PISD: variants seen among roughly 807,000 people sequenced by gnomAD.
The protein encoded by PISD is phosphatidylserine decarboxylase proenzyme, mitochondrial.
A neutral mutation model predicts 43.5 loss-of-function variants in PISD; 31 were observed. That is an observed-to-expected ratio of 0.71 (90% CI 0.54 to 0.96). PISD has a LOEUF of 0.96. Ranked by LOEUF, PISD falls within the 40% of genes least tolerant of loss-of-function variation. The pLI is 0.00. For missense variants in PISD, 523 were observed against 548.4 expected, an observed-to-expected ratio of 0.95 and a Z score of 0.46; for synonymous variants, 259 against 228.7, an observed-to-expected ratio of 1.13 and a Z score of -1.20.
intron 2 of PISD, among the ~76,000 whole-genome samples, chr22:31,650,303 C>T (rs2073996246): frequency 6.6e-6 from 1 of 151,994 alleles, no homozygotes; most frequent in Non-Finnish European, 1.5e-5. Flanking sequence ...CATAGCAAAA[C>T]TTCATCTCTA....
intron 2 of PISD, 75 bp downstream of exon 2, chr22:31,650,624 C>A: frequency 1.2e-6 from 1 of 819,474 alleles, no homozygotes; most frequent in South Asian, 1.5e-5. Context: ...AACAACAACC[C>A]TATGTTTATC....
intron 3 of PISD, among the ~76,000 whole-genome samples, chr22:31,642,377 C>T (rs1418908266): frequency 1.3e-5 from 2 of 151,150 alleles, no homozygotes; most frequent in Non-Finnish European, 2.9e-5. Context: ...ACTGCTTAAA[C>T]TCGGAAGGTT....
chr22:31,642,470 AAAAC>A (rs916457415), intron 3 of PISD, among the ~76,000 whole-genome samples: 20 of 150,756 alleles, frequency 1.3e-4, no homozygotes, highest in Non-Finnish European at 2.8e-4. Context: ...AGAAAAACAA[AAAAC>A]AAACAAACAG....
intron 2 of PISD, 73 bp from the exon 3 acceptor site, chr22:31,648,349 A>C: frequency 7.4e-7 from 1 of 1,353,806 alleles, no homozygotes; most frequent in South Asian, 1.3e-5. Flanking sequence ...CACAGCACCA[A>C]CAGGAGGGTC....
chr22:31,627,272 C>T (rs1314855815), intron 3 of PISD, among the ~76,000 whole-genome samples: 1 of 152,248 alleles, frequency 6.6e-6, no homozygotes, highest in East Asian at 1.9e-4. Context: ...CAGGAGGGCG[C>T]CTACCCACCA....
Position 31,637,143 on chromosome 22 carries a change from T to TAA in PISD, c.321+10956_321+10957dup, listed in dbSNP as rs1170100945. On this transcript the variant is annotated intron_variant, in intron 3 of 7. Coordinates refer to ENST00000439502, the MANE Select transcript of PISD (RefSeq NM_001326411.2). ...CAAAAAAAAATAATAATAAATAAATTAAAAAAAAAAAAAAAAAAAAAATAT... is the reference window on the plus strand; with the variant it reads ...CAAAAAAAAATAATAATAAATAAATTAAAAAAAAAAAAAAAAAAAAAAAATAT... Among the ~76,000 whole-genome samples, 40 of 31,600 alleles carry TAA rather than the reference T, an allele frequency of 1.3e-3. 2 individuals are homozygous for TAA. The highest frequency in any genetic ancestry group is 3.3e-3 in the South Asian group (3 of 910). The allele number at this position is 31,600 out of a possible 152,430, so 20.7% of individuals were successfully genotyped here.
At chr22:31,642,892 C>T (rs944028264) in intron 3 of PISD, among the ~76,000 whole-genome samples, 25 of 151,408 alleles carry the variant, frequency 1.7e-4, no homozygotes, top group African/African-American at 5.8e-4. Context: ...CACCTGAGGT[C>T]GGGAGTTCGA....
At chr22:31,653,624 T>A (rs915581702) in intron 1 of PISD, among the ~76,000 whole-genome samples, 1 of 152,184 alleles carries the variant, frequency 6.6e-6, no homozygotes, top group African/African-American at 2.4e-5. Flanking sequence ...GGGAAATGCT[T>A]CATTATATCA....
At chr22:31,628,860 TCC>T (rs1201082805) in intron 3 of PISD, 46 of 985,214 alleles carry the variant, frequency 4.7e-5, no homozygotes, top group Admixed American at 6.2e-5. Context: ...CACCTCTCTT[TCC>T]AAAAAGTCAA....
chr22:31,619,493 A>G lies in PISD; in HGVS notation c.*119T>C. ...CGAATCATTCAAGTCCTACCTGGTC[A>G]GACTCCCAACCACGCTGAGGCAGGC... is the stretch of plus-strand genomic sequence containing the variant. On this transcript the variant is annotated 3_prime_UTR_variant, in exon 8 of 8. Transcript: ENST00000439502. 1 of 766,736 alleles carries G rather than the reference A, an allele frequency of 1.3e-6. No individual in the cohort carries two copies. The highest frequency in any genetic ancestry group is 2.3e-6 in the Non-Finnish European group (1 of 434,432). 47.5% of individuals were successfully genotyped at this position (766,736 alleles called of 1,614,324 possible). A position where few individuals can be genotyped will look rare whatever the true frequency, so the allele number is the denominator to read the frequency against.
In PISD at chr22:31,634,084, G is replaced by A. The variant is rs144988662; in HGVS notation, c.322-12199C>T. 2.0e-5 allele frequency among the ~76,000 whole-genome samples: 3 copies of A among 152,302 alleles called. No individual in the cohort carries two copies. In the East Asian group the frequency reaches 5.8e-4, roughly 29 times the overall value. On this transcript the variant is annotated intron_variant, in intron 3 of 7. Coordinates refer to ENST00000439502, the MANE Select transcript of PISD (RefSeq NM_001326411.2). Reference sequence around the variant, plus strand: ...CTCAGTCAAGCCACCTGTATTCTCTGCCAGGTCCCAGCTGTGTGAATTTCA... The same window carrying A: ...CTCAGTCAAGCCACCTGTATTCTCTACCAGGTCCCAGCTGTGTGAATTTCA...
intron 3 of PISD, chr22:31,625,686 C>A (rs1009421254): frequency 6.5e-7 from 1 of 1,529,836 alleles, no homozygotes; most frequent in South Asian, 1.2e-5. Flanking sequence ...ACTGCGAGGC[C>A]GCTGGATGTG....
At position 31,619,603 on chromosome 22, in the gene PISD, A is replaced by T; in HGVS notation, c.*9T>A. On this transcript the variant is annotated 3_prime_UTR_variant, in exon 8 of 8. Transcript: ENST00000439502. ...AGATCCCTTAGCAGCCATAATCAGG[A>T]AAGAGACTCTAGAGCGAGCCCAGGG... 6.2e-7 allele frequency: 1 copy of T among 1,608,272 alleles called. No homozygotes were observed. Among genetic ancestry groups the T allele is most frequent in the South Asian group, 1.1e-5 (1 of 90,962 alleles).
At chr22:31,645,855 T>TA (rs200852599) in intron 3 of PISD, among the ~76,000 whole-genome samples, 2,074 of 108,072 alleles carry the variant, frequency 0.019, 18 homozygotes, top group Middle Eastern at 0.024. Flanking sequence ...AGACTCCATC[T>TA]AAAAAAAAAA....
At chr22:31,644,637 C>T (rs939734628) in intron 3 of PISD, among the ~76,000 whole-genome samples, 1 of 152,174 alleles carries the variant, frequency 6.6e-6, no homozygotes, top group Non-Finnish European at 1.5e-5. Context: ...TTAGGTGGAA[C>T]CAGAGGTGGG....
At chr22:31,638,884 G>C (rs1348278123) in intron 3 of PISD, among the ~76,000 whole-genome samples, 1 of 148,412 alleles carries the variant, frequency 6.7e-6, no homozygotes, top group Non-Finnish European at 1.5e-5. Flanking sequence ...CAATGGCGCA[G>C]TTTCAGCTGA....
At chr22:31,634,889 T>A (rs1311688749) in intron 3 of PISD, among the ~76,000 whole-genome samples, 1 of 148,948 alleles carries the variant, frequency 6.7e-6, no homozygotes, top group Non-Finnish European at 1.5e-5. Context: ...CTTTTAGGCC[T>A]GGCACGGTGA....
intron 1 of PISD, among the ~76,000 whole-genome samples, chr22:31,656,754 CCTCA>C (rs1407990521): frequency 1.3e-5 from 2 of 152,154 alleles, no homozygotes; most frequent in Admixed American, 6.6e-5. Context: ...CTCTCTTCCT[CCTCA>C]CTCACTCCTC....
At chr22:31,627,808 G>C (rs73400287) in intron 3 of PISD, among the ~76,000 whole-genome samples, 1,872 of 152,332 alleles carry the variant, frequency 0.012, 46 homozygotes, top group African/African-American at 0.043. Context: ...TCTCAAAGCA[G>C]GTTCCCCTGT....
Sources: gnomAD v4.1 joint callset for allele counts (sites outside exome capture counted in the v4.1 genomes callset) on GRCh38, gnomAD v4.1.1 for gene constraint, MANE v1.5 for transcripts, NCBI Gene and HGNC (gene_info 2026-07-23, HGNC 2026-07-21) for gene names.